The following CCBE1 variants were observed in gnomAD, a reference collection of about 807,000 sequenced individuals.
The protein encoded by CCBE1 is collagen and calcium-binding EGF domain-containing protein 1.
In CCBE1, 37 loss-of-function variants were observed where a neutral mutation model predicts 50.0. The observed-to-expected ratio is 0.74, with a 90% CI of 0.57 to 0.97. CCBE1 has a LOEUF of 0.97. CCBE1 is among the 50% of genes least tolerant of loss of function. The pLI, the probability that CCBE1 is intolerant of heterozygous loss-of-function variation, is 0.00. For synonymous variants in CCBE1, 234 were observed against 203.7 expected (o/e 1.15, Z -1.27); for missense variants, 538 against 523.8 (o/e 1.03, Z -0.26).
intron 2 of CCBE1, among the ~76,000 whole-genome samples, chr18:59,499,283 ATTGTGGTGGGAGTGACACTT>A (rs941579861): frequency 3.9e-5 from 6 of 152,150 alleles, no homozygotes; most frequent in East Asian, 1.9e-4. Context: ...GAATCCTGAC[ATTGTGGTGGGAGTGACACTT>A]TTGTGGTGGG....
intron 2 of CCBE1, among the ~76,000 whole-genome samples, chr18:59,578,327 A>G (rs896977286): frequency 6.6e-6 from 1 of 152,176 alleles, no homozygotes; most frequent in African/African-American, 2.4e-5. Flanking sequence ...GGAGAAATAG[A>G]AATGTTTTTA....
At chr18:59,460,313 C>T (rs1440178632) in intron 5 of CCBE1, among the ~76,000 whole-genome samples, 1 of 152,164 alleles carries the variant, frequency 6.6e-6, no homozygotes, top group African/African-American at 2.4e-5. Context: ...TGTAACAATA[C>T]AGGCATTAGA....
chr18:59,504,277 A>G (rs1913765336), intron 2 of CCBE1, among the ~76,000 whole-genome samples: 1 of 152,176 alleles, frequency 6.6e-6, no homozygotes, highest in East Asian at 1.9e-4. Flanking sequence ...CACTCTAGCT[A>G]TACACATTTT....
intron 2 of CCBE1, among the ~76,000 whole-genome samples, chr18:59,557,614 A>G (rs1186998471): frequency 1.3e-5 from 2 of 152,074 alleles, no homozygotes; most frequent in African/African-American, 4.8e-5. Context: ...TAACTTTTTA[A>G]CTTCACTTCA....
At chr18:59,642,053 G>T (rs2043041) in intron 2 of CCBE1, among the ~76,000 whole-genome samples, 68,741 of 152,168 alleles carry the variant, frequency 0.45, 17,205 homozygotes, top group Non-Finnish European at 0.56. Flanking sequence ...TAAAATCGAT[G>T]ACATTAAAAT....
At chr18:59,611,030 C>T (rs77971170) in intron 2 of CCBE1, among the ~76,000 whole-genome samples, 7,972 of 152,320 alleles carry the variant, frequency 0.052, 534 homozygotes, top group African/African-American at 0.16. Context: ...CCTCATGCTT[C>T]AGCACAAAGA....
intron 2 of CCBE1, among the ~76,000 whole-genome samples, chr18:59,621,880 C>T (rs1021526093): frequency 6.6e-6 from 1 of 152,208 alleles, no homozygotes; most frequent in Non-Finnish European, 1.5e-5. Context: ...GCCTGCTGCA[C>T]AAGTGACAAC....
At chr18:59,527,506 A>G (rs1914874667) in intron 2 of CCBE1, among the ~76,000 whole-genome samples, 1 of 152,092 alleles carries the variant, frequency 6.6e-6, no homozygotes, top group African/African-American at 2.4e-5. Context: ...TTTAGGGTTA[A>G]TATTATGTGT....
At chr18:59,523,965 G>C (rs1316853339) in intron 2 of CCBE1, among the ~76,000 whole-genome samples, 1 of 152,148 alleles carries the variant, frequency 6.6e-6, no homozygotes, top group South Asian at 2.1e-4. Context: ...CTCCACCCAG[G>C]AGCAAGGTAA....
intron 2 of CCBE1, among the ~76,000 whole-genome samples, chr18:59,642,049 C>T (rs988586821): frequency 3.3e-5 from 5 of 151,902 alleles, no homozygotes; most frequent in Non-Finnish European, 5.9e-5. Flanking sequence ...GTGATAAAAT[C>T]GATGACATTA....
chr18:59,458,835 T>C (rs1390727608), intron 5 of CCBE1, among the ~76,000 whole-genome samples: 1 of 152,228 alleles, frequency 6.6e-6, no homozygotes, highest in Admixed American at 6.5e-5. Flanking sequence ...TTTGTGGAAC[T>C]GTCAGAACAC....
intron 2 of CCBE1, among the ~76,000 whole-genome samples, chr18:59,648,884 A>G (rs1481701996): frequency 6.6e-6 from 1 of 152,160 alleles, no homozygotes; most frequent in Non-Finnish European, 1.5e-5. Flanking sequence ...TATTTCTTCA[A>G]CCAAGTTTAG....
intron 2 of CCBE1, among the ~76,000 whole-genome samples, chr18:59,601,243 G>A (rs1462671337): frequency 6.6e-6 from 1 of 151,628 alleles, no homozygotes; most frequent in African/African-American, 2.4e-5. Flanking sequence ...GTTTGGCTGT[G>A]TCCACACTCA....
chr18:59,654,102 G>T (rs1421989435), intron 2 of CCBE1, among the ~76,000 whole-genome samples: 1 of 152,220 alleles, frequency 6.6e-6, no homozygotes, highest in East Asian at 1.9e-4. Context: ...GAAACATTCT[G>T]TTCTGTTTAA....
chr18:59,630,199 A>C (rs1239669873), intron 2 of CCBE1, among the ~76,000 whole-genome samples: 1 of 152,076 alleles, frequency 6.6e-6, no homozygotes, highest in Non-Finnish European at 1.5e-5. Flanking sequence ...AGGCTCTGAC[A>C]TTAAAGGGGG....
At chr18:59,476,969 C>A (rs1257933939) in intron 3 of CCBE1, among the ~76,000 whole-genome samples, 1 of 152,212 alleles carries the variant, frequency 6.6e-6, no homozygotes, top group Non-Finnish European at 1.5e-5. Flanking sequence ...AAAATTTTTG[C>A]TTCCTGTTCC....
At chr18:59,600,969 C>G (rs1176466778) in intron 2 of CCBE1, among the ~76,000 whole-genome samples, 1 of 122,416 alleles carries the variant, frequency 8.2e-6, no homozygotes, top group African/African-American at 2.9e-5. Context: ...GGGGCCCATT[C>G]TGTACTATGG....
intron 2 of CCBE1, among the ~76,000 whole-genome samples, chr18:59,615,890 A>G (rs2053630715): frequency 2.0e-5 from 3 of 152,232 alleles, no homozygotes; most frequent in African/African-American, 7.2e-5. Context: ...CTCATAGAGC[A>G]AAGAGGACAC....
At chr18:59,550,878 G>A (rs1472976557) in intron 2 of CCBE1, among the ~76,000 whole-genome samples, 2 of 151,316 alleles carry the variant, frequency 1.3e-5, no homozygotes, top group African/African-American at 2.4e-5. Context: ...GGTGGTGGGC[G>A]GCTGTAGTCT....
Sources: allele counts gnomAD v4.1 joint callset (sites outside exome capture counted in the v4.1 genomes callset), GRCh38; gene constraint gnomAD v4.1.1; transcripts MANE v1.5; gene names NCBI Gene and HGNC (gene_info 2026-07-23, HGNC 2026-07-21).